Variants in GPC5 observed in about 807,000 individuals in gnomAD.
The protein encoded by GPC5 is glypican 5, also known as glypican-5.
In GPC5, 47 loss-of-function variants were observed where a neutral mutation model predicts 53.9. That is an observed-to-expected ratio of 0.87 (90% CI 0.69 to 1.11). The LOEUF (loss-of-function observed/expected upper bound fraction) is 1.11. Ranked by LOEUF, GPC5 falls within the 50% of genes most tolerant of loss-of-function variation. The pLI is 0.00. For missense variants in GPC5, 748 were observed against 713.1 expected, an observed-to-expected ratio of 1.05 and a Z score of -0.56; for synonymous variants, 286 against 263.3, an observed-to-expected ratio of 1.09 and a Z score of -0.84.
At chr13:92,489,856 A>C (rs1299444835) in intron 7 of GPC5, among the ~76,000 whole-genome samples, 1 of 143,498 alleles carries the variant, frequency 7.0e-6, no homozygotes, top group Non-Finnish European at 1.5e-5. Flanking sequence ...AAAACAAAAA[A>C]TATGGTCATA....
chr13:91,543,532 A>AAG (rs57091950), intron 2 of GPC5, among the ~76,000 whole-genome samples: 20 of 150,352 alleles, frequency 1.3e-4, no homozygotes, highest in Non-Finnish European at 2.7e-4. Flanking sequence ...TGATTTTTCA[A>AAG]AGAGAGAGAG....
At chr13:92,448,791 A>G (rs1485469774) in intron 7 of GPC5, 1 of 150,840 alleles carries the variant, frequency 6.6e-6, no homozygotes, top group Non-Finnish European at 1.5e-5. Flanking sequence ...ATAATTCAGC[A>G]CATGGACTTA....
At chr13:92,552,881 G>T (rs560296477) in intron 7 of GPC5, among the ~76,000 whole-genome samples, 2 of 151,772 alleles carry the variant, frequency 1.3e-5, no homozygotes, top group East Asian at 1.9e-4. Context: ...TTCTTCAAAG[G>T]GTTCTCTCTT....
At chr13:92,056,723 G>T (rs908102395) in intron 6 of GPC5, among the ~76,000 whole-genome samples, 3 of 152,012 alleles carry the variant, frequency 2.0e-5, no homozygotes, top group African/African-American at 7.2e-5. Context: ...TGGGTTGTTT[G>T]TTTTTGTTTG....
chr13:92,468,059 A>C (rs1257844925), intron 7 of GPC5, among the ~76,000 whole-genome samples: 1 of 152,134 alleles, frequency 6.6e-6, no homozygotes, highest in Non-Finnish European at 1.5e-5. Context: ...AATATTCCTT[A>C]ATATAAAATG....
intron 1 of GPC5, among the ~76,000 whole-genome samples, chr13:91,425,955 G>A (rs1305583477): frequency 6.6e-6 from 1 of 152,102 alleles, no homozygotes; most frequent in Non-Finnish European, 1.5e-5. Flanking sequence ...GACTTATTGG[G>A]AACTGAAGCA....
intron 7 of GPC5, among the ~76,000 whole-genome samples, chr13:92,795,671 A>C (rs1876650399): frequency 6.6e-6 from 1 of 152,162 alleles, no homozygotes; most frequent in African/African-American, 2.4e-5. Flanking sequence ...AAGAACTTAA[A>C]AACAGCAGCC....
intron 7 of GPC5, among the ~76,000 whole-genome samples, chr13:92,610,654 A>G (rs1335569297): frequency 6.6e-6 from 1 of 152,214 alleles, no homozygotes; most frequent in Admixed American, 6.5e-5. Context: ...TAATTTATAA[A>G]GAAAGAGATT....
intron 7 of GPC5, among the ~76,000 whole-genome samples, chr13:92,190,514 A>G (rs530215812): frequency 6.6e-6 from 1 of 152,180 alleles, no homozygotes; most frequent in African/African-American, 2.4e-5. Flanking sequence ...ATACTTATGC[A>G]TTATATATGC....
chr13:92,477,219 A>G (rs1418531557), intron 7 of GPC5, among the ~76,000 whole-genome samples: 1 of 152,118 alleles, frequency 6.6e-6, no homozygotes, highest in Non-Finnish European at 1.5e-5. Context: ...AGTAAACAAA[A>G]GTGGAGGGAA....
chr13:92,094,520 CAAAAA>C (rs71200562), intron 6 of GPC5, among the ~76,000 whole-genome samples: 5 of 68,214 alleles, frequency 7.3e-5, no homozygotes, highest in African/African-American at 3.0e-4. Context: ...GACTCCGTCT[CAAAAA>C]AAAAAAAAAA....
chr13:91,962,981 T>G (rs568121323), intron 6 of GPC5, among the ~76,000 whole-genome samples: 1 of 152,302 alleles, frequency 6.6e-6, no homozygotes, highest in Admixed American at 6.5e-5. Context: ...GCCTTATTAT[T>G]TCTGCCTTCT....
At chr13:91,684,242 A>G (rs1328757645) in intron 2 of GPC5, among the ~76,000 whole-genome samples, 1 of 152,180 alleles carries the variant, frequency 6.6e-6, no homozygotes, top group Non-Finnish European at 1.5e-5. Flanking sequence ...ATCCAGCACC[A>G]TAACTTTATT....
intron 6 of GPC5, among the ~76,000 whole-genome samples, chr13:92,135,706 A>C (rs1265505744): frequency 1.3e-5 from 2 of 152,222 alleles, no homozygotes; most frequent in African/African-American, 4.8e-5. Context: ...ACTGCATTGC[A>C]TAAACCAAAT....
chr13:92,565,635 G>A (rs1468259246), intron 7 of GPC5, among the ~76,000 whole-genome samples: 1 of 152,048 alleles, frequency 6.6e-6, no homozygotes, highest in African/African-American at 2.4e-5. Context: ...CACTAAGGAA[G>A]AAACTTGGTT....
chr13:92,298,038 T>G (rs934688668), intron 7 of GPC5, among the ~76,000 whole-genome samples: 1 of 151,890 alleles, frequency 6.6e-6, no homozygotes, highest in Non-Finnish European at 1.5e-5. Flanking sequence ...ACCCACCAAT[T>G]CCGGACACAC....
intron 2 of GPC5, among the ~76,000 whole-genome samples, chr13:91,451,225 A>T (rs1247868467): frequency 6.6e-6 from 1 of 152,236 alleles, no homozygotes; most frequent in Non-Finnish European, 1.5e-5. Context: ...TTAGTTTTCA[A>T]ATAGTTCATT....
At chr13:92,025,544 G>A (rs950013378) in intron 6 of GPC5, among the ~76,000 whole-genome samples, 7 of 152,164 alleles carry the variant, frequency 4.6e-5, no homozygotes, top group African/African-American at 1.7e-4. Flanking sequence ...AGCTGTTGCT[G>A]GGGTCTGGCT....
At chr13:92,267,462 C>T (rs2042810453) in intron 7 of GPC5, among the ~76,000 whole-genome samples, 1 of 152,072 alleles carries the variant, frequency 6.6e-6, no homozygotes, top group South Asian at 2.1e-4. Context: ...TTGGCTTCTG[C>T]CATACCACAC....
Sources: allele counts gnomAD v4.1 joint callset (sites outside exome capture counted in the v4.1 genomes callset), GRCh38; gene constraint gnomAD v4.1.1; transcripts MANE v1.5; gene names NCBI Gene and HGNC (gene_info 2026-07-23, HGNC 2026-07-21).